The following GAB1 variants were observed in gnomAD, a reference collection of about 807,000 sequenced individuals.
GAB1 encodes the protein GRB2-associated-binding protein 1.
In GAB1, 19 loss-of-function variants were observed where a neutral mutation model predicts 66.5. The observed-to-expected ratio is 0.29, with a 90% CI of 0.20 to 0.42. The LOEUF is 0.42. Among genes scored for constraint, GAB1 ranks in the 10% least tolerant of loss-of-function variants. The pLI, the probability that GAB1 is intolerant of heterozygous loss-of-function variation, is 1.00. For synonymous variants in GAB1, 294 were observed against 301.4 expected (o/e 0.98, Z 0.25); for missense variants, 732 against 858.5 (o/e 0.85, Z 1.84).
At chr4:143,373,040 T>TAA (rs199864030) in intron 1 of GAB1, among the ~76,000 whole-genome samples, 28 of 116,174 alleles carry the variant, frequency 2.4e-4, no homozygotes, top group African/African-American at 1.0e-3. Flanking sequence ...GAATTTCCTT[T>TAA]AAAAACACAC....
At chr4:143,392,803 G>T (rs1383800329) in intron 1 of GAB1, among the ~76,000 whole-genome samples, 1 of 152,166 alleles carries the variant, frequency 6.6e-6, no homozygotes, top group East Asian at 1.9e-4. Context: ...AGTTTCAGTA[G>T]ATTACAATAG....
chr4:143,425,156 G>A, intron 2 of GAB1: 3 of 817,002 alleles, frequency 3.7e-6, no homozygotes, highest in Non-Finnish European at 6.4e-6. Flanking sequence ...AGATGGAATA[G>A]TACATCTCTA....
chr4:143,466,379 CAT>C, intron 9 of GAB1, among the ~76,000 whole-genome samples, 154 bp downstream of exon 9: 1 of 150,718 alleles, frequency 6.6e-6, no homozygotes, highest in South Asian at 2.1e-4. Flanking sequence ...ACAAAAATAA[CAT>C]AGTTATGGAG....
chr4:143,460,227 A>C (rs1735418018), intron 7 of GAB1, 137 bp from the exon 8 acceptor site: 1 of 730,002 alleles, frequency 1.4e-6, no homozygotes, highest in Admixed American at 2.3e-5. Context: ...ACATCATTAT[A>C]AATGTGTACA....
intron 2 of GAB1, among the ~76,000 whole-genome samples, chr4:143,420,307 T>G (rs1732945363): frequency 6.6e-6 from 1 of 152,088 alleles, no homozygotes; most frequent in Admixed American, 6.5e-5. Flanking sequence ...TATCACAGTC[T>G]AAGAAAATAA....
intron 1 of GAB1, among the ~76,000 whole-genome samples, chr4:143,401,738 A>G (rs1457774845): frequency 6.6e-6 from 1 of 152,198 alleles, no homozygotes; most frequent in Admixed American, 6.5e-5. Flanking sequence ...ATTCATCCTT[A>G]TTTTAAAAAC....
At chr4:143,389,242 A>G (rs1181340489) in intron 1 of GAB1, among the ~76,000 whole-genome samples, 1 of 152,244 alleles carries the variant, frequency 6.6e-6, no homozygotes. Context: ...CAAGCATAGA[A>G]TGAGGAGACC....
chr4:143,408,361 T>C (rs1475053340), intron 1 of GAB1, among the ~76,000 whole-genome samples: 1 of 152,220 alleles, frequency 6.6e-6, no homozygotes, highest in African/African-American at 2.4e-5. Context: ...CATCTGGCCC[T>C]TTCATCTGAC....
chr4:143,448,783 A>G (rs941060250), intron 6 of GAB1, among the ~76,000 whole-genome samples: 17 of 150,736 alleles, frequency 1.1e-4, no homozygotes, highest in African/African-American at 2.5e-4. Context: ...TTGTGTCTCT[A>G]TTTCCTTCAG....
chr4:143,360,881 A>AGTC (rs1242414628), intron 1 of GAB1, among the ~76,000 whole-genome samples: 1 of 152,252 alleles, frequency 6.6e-6, no homozygotes, highest in African/African-American at 2.4e-5. Context: ...AGGTAATTGA[A>AGTC]GTCAGATTAT....
intron 3 of GAB1, among the ~76,000 whole-genome samples, chr4:143,437,663 A>G (rs1469048324): frequency 6.6e-6 from 1 of 152,214 alleles, no homozygotes; most frequent in Non-Finnish European, 1.5e-5. Flanking sequence ...GTGTCTATGC[A>G]TTAATCATTT....
At chr4:143,423,563 G>T (rs959931386) in intron 2 of GAB1, among the ~76,000 whole-genome samples, 12 of 150,850 alleles carry the variant, frequency 8.0e-5, no homozygotes, top group Admixed American at 6.6e-4. Context: ...CCAGGCGTTG[G>T]TGGTAGGTGC....
At chr4:143,358,846 G>T (rs1729548726) in intron 1 of GAB1, among the ~76,000 whole-genome samples, 1 of 152,192 alleles carries the variant, frequency 6.6e-6, no homozygotes, top group South Asian at 2.1e-4. Context: ...GGGATACGTA[G>T]AATTTTTTGA....
intron 1 of GAB1, among the ~76,000 whole-genome samples, chr4:143,379,525 A>C (rs1730567914): frequency 6.6e-6 from 1 of 152,152 alleles, no homozygotes; most frequent in African/African-American, 2.4e-5. Flanking sequence ...ATGAAATATG[A>C]GGTAGCCTAC....
intron 2 of GAB1, among the ~76,000 whole-genome samples, chr4:143,416,368 A>ACT (rs1281953834): frequency 6.6e-6 from 1 of 152,184 alleles, no homozygotes; most frequent in African/African-American, 2.4e-5. Flanking sequence ...AGATCGCGCC[A>ACT]CTGCACTCCA....
At chr4:143,404,704 C>T (rs941014965) in intron 1 of GAB1, among the ~76,000 whole-genome samples, 1 of 152,190 alleles carries the variant, frequency 6.6e-6, no homozygotes, top group Non-Finnish European at 1.5e-5. Flanking sequence ...TGAGCCATGA[C>T]TGCTCCATTG....
intron 1 of GAB1, among the ~76,000 whole-genome samples, chr4:143,401,564 T>C (rs10016707): frequency 0.021 from 3,194 of 152,316 alleles, 117 homozygotes; most frequent in African/African-American, 0.073. Context: ...AAATGCATTT[T>C]CTTTATGGGT....
intron 1 of GAB1, among the ~76,000 whole-genome samples, chr4:143,401,335 T>G (rs1181526227): frequency 1.3e-5 from 2 of 152,232 alleles, no homozygotes; most frequent in African/African-American, 2.4e-5. Flanking sequence ...GAGATTGCAA[T>G]TGTTGGTAAA....
At chr4:143,351,525 G>T (rs1729223431) in intron 1 of GAB1, among the ~76,000 whole-genome samples, 1 of 152,182 alleles carries the variant, frequency 6.6e-6, no homozygotes, top group Non-Finnish European at 1.5e-5. Context: ...CAGGATGGGG[G>T]CGTGGCCGGC....
Sources: gnomAD v4.1 joint callset for allele counts (sites outside exome capture counted in the v4.1 genomes callset) on GRCh38, gnomAD v4.1.1 for gene constraint, MANE v1.5 for transcripts, NCBI Gene and HGNC (gene_info 2026-07-23, HGNC 2026-07-21) for gene names.